The following MTPAP variants were observed in gnomAD, a reference collection of about 807,000 sequenced individuals.
MTPAP encodes mitochondrial poly(A) polymerase, also known as poly(A) RNA polymerase, mitochondrial.
MTPAP carries 23 observed loss-of-function variants against 48.7 expected under a neutral mutation model. The observed-to-expected ratio is 0.47, with a 90% confidence interval of 0.34 to 0.67. MTPAP has a LOEUF of 0.67. MTPAP is among the 30% of genes least tolerant of loss of function. The pLI is 0.01. For synonymous variants in MTPAP, 257 were observed against 254.1 expected, an observed-to-expected ratio of 1.01 and a Z score of -0.11; for missense variants, 614 against 694.3, an observed-to-expected ratio of 0.88 and a Z score of 1.30.
At position 30,340,327 on chromosome 10, in the gene MTPAP, TCA is replaced by T; in HGVS notation, c.452_453del (p.Leu151GlnfsTer8). On this transcript the variant is annotated frameshift_variant, in exon 3 of 9. Coordinates refer to ENST00000263063, the MANE Select transcript of MTPAP (RefSeq NM_018109.4). LOFTEE classifies it high-confidence loss of function. ...AIPFRSRFFN[L>X]KLKNQTSERS... Reference sequence around the variant, plus strand: ...CGTTCAGAAGTCTGGTTTTTCAACTTCAGATTGAAGAAACGTGATCTGAATGG... The same window carrying T: ...CGTTCAGAAGTCTGGTTTTTCAACTTGATTGAAGAAACGTGATCTGAATGG... The T allele has an allele frequency of 6.2e-7, 1 of 1,614,142 alleles. No homozygotes were observed. Among genetic ancestry groups the T allele is most frequent in the Non-Finnish European group, 8.5e-7 (1 of 1,180,004 alleles).
intron 6 of MTPAP, among the ~76,000 whole-genome samples, chr10:30,317,257 A>C (rs567314146): frequency 1.3e-5 from 2 of 152,312 alleles, no homozygotes; most frequent in African/African-American, 4.8e-5. Flanking sequence ...GAGTTCCCCC[A>C]TCTTTCACCA....
intron 4 of MTPAP, among the ~76,000 whole-genome samples, chr10:30,328,057 A>C (rs905790910): frequency 6.6e-6 from 1 of 152,224 alleles, no homozygotes; most frequent in South Asian, 2.1e-4. Flanking sequence ...GCATCCATTC[A>C]CTACTAAAGA....
At chr10:30,347,680 C>A (rs185378298) in intron 1 of MTPAP, among the ~76,000 whole-genome samples, 1 of 152,286 alleles carries the variant, frequency 6.6e-6, no homozygotes, top group Admixed American at 6.5e-5. Context: ...TCACCTGAGT[C>A]TGGAGTTCAA....
intron 4 of MTPAP, among the ~76,000 whole-genome samples, chr10:30,326,837 A>G (rs1834603756): frequency 6.6e-6 from 1 of 152,238 alleles, no homozygotes; most frequent in African/African-American, 2.4e-5. Context: ...GTTTCTCCAG[A>G]ATATAGAGAA....
chr10:30,329,227 GAC>G (rs1402705561), intron 4 of MTPAP, among the ~76,000 whole-genome samples: 2 of 151,254 alleles, frequency 1.3e-5, no homozygotes, highest in African/African-American at 4.9e-5. Context: ...CAGCCTGGGT[GAC>G]AGAGTGAGAA....
At chr10:30,331,715 C>T (rs929962570) in intron 4 of MTPAP, among the ~76,000 whole-genome samples, 2 of 152,140 alleles carry the variant, frequency 1.3e-5, no homozygotes, top group African/African-American at 4.8e-5. Context: ...TACAGGCACC[C>T]GCCATCATGC....
chr10:30,331,193 A>G lies in MTPAP; in HGVS notation c.781-4558T>C, dbSNP rs142166296. 2.0e-5 allele frequency among the ~76,000 whole-genome samples: 3 copies of G among 152,362 alleles called. No individual in the cohort carries two copies. The East Asian group carries it at 5.8e-4, about 29-fold the overall frequency. On this transcript the variant is annotated intron_variant, in intron 4 of 8. Transcript: ENST00000263063. ...CCTCTATTAAATAAATAAAAACTAG[A>G]AAAACTGTTCACAGACAGTTAGATC...
rs752651498 is a variant in MTPAP, at chr10:30,322,526, G to A, written c.1084C>T (p.Arg362Ter). The change falls in exon 6 of 9, where the codon CGA (arginine) becomes TGA (stop). Residue 362 changes from arginine (R) to a stop codon, truncating the protein, a stop_gained. Coordinates refer to ENST00000263063, the MANE Select transcript of MTPAP (RefSeq NM_018109.4). LOFTEE classifies it high-confidence loss of function. ...ALVFSVRCWARAHSLTSSIPG... is the reference protein window; with the variant it reads ...ALVFSVRCWA Reference sequence around the variant, plus strand: ...ATACTACTTGTTAGTGAATGTGCTCGAGCCCAGCACCGTACACTGAACACC... The same window carrying A: ...ATACTACTTGTTAGTGAATGTGCTCAAGCCCAGCACCGTACACTGAACACC... The A allele has an allele frequency of 1.9e-6, 3 of 1,613,948 alleles. No individual in the cohort carries two copies. The highest frequency in any genetic ancestry group is 2.5e-6 in the Non-Finnish European group (3 of 1,179,912).
At position 30,316,166 on chromosome 10, in the gene MTPAP, C is replaced by T; in HGVS notation, c.1264G>A (p.Val422Ile). The T allele has an allele frequency of 6.2e-7, 1 of 1,613,882 alleles. No individual in the cohort carries two copies. Among genetic ancestry groups the T allele is most frequent in the South Asian group, 1.1e-5 (1 of 91,066 alleles). ...CVIEGNNCTF[V>I]RDLSRIKPSQ... ...GGTTTAATTCTACTCAAGTCACGAACAAATGTGCAGTTGTTGCCTTCTATT... is the reference window on the plus strand; with the variant it reads ...GGTTTAATTCTACTCAAGTCACGAATAAATGTGCAGTTGTTGCCTTCTATT... The change falls in exon 7 of 9, where the codon GTT (valine) becomes ATT (isoleucine). Residue 422 changes from valine (V) to isoleucine (I), a missense_variant. Val to Ile is a conservative substitution (Grantham distance 29). Transcript: ENST00000263063.
intron 6 of MTPAP, 42 bp from the exon 7 acceptor site, chr10:30,316,252 T>C (rs1840660965): frequency 1.4e-6 from 2 of 1,475,732 alleles, no homozygotes; most frequent in Non-Finnish European, 1.9e-6. Context: ...TTTTTTTTTT[T>C]CTTTGCCTGA....
rs116691664 is a variant in MTPAP, at chr10:30,325,197, G to T, written c.992+1227C>A. Among the ~76,000 whole-genome samples the T allele has an allele frequency of 5.0e-3, 765 of 152,042 alleles. 10 individuals are homozygous for T. The highest frequency in any genetic ancestry group is 0.018 in the African/African-American group (733 of 41,500). ...CATACTACAAAGAAAATATAATAAT[G>T]ATAGAAAGTACAGTATTATATTTTT... On this transcript the variant is annotated intron_variant, in intron 5 of 8. Coordinates refer to ENST00000263063, the MANE Select transcript of MTPAP (RefSeq NM_018109.4).
chr10:30,327,628 T>C (rs1040604737), intron 4 of MTPAP, among the ~76,000 whole-genome samples: 7 of 151,898 alleles, frequency 4.6e-5, no homozygotes, highest in African/African-American at 7.3e-5. Flanking sequence ...GGCAGATAAC[T>C]TGAGGTCAGG....
In MTPAP at chr10:30,322,525, C is replaced by G; in HGVS notation, c.1085G>C (p.Arg362Pro). 1 of 1,613,792 alleles carries G rather than the reference C, an allele frequency of 6.2e-7. No homozygotes were observed. The highest frequency in any genetic ancestry group is 8.5e-7 in the Non-Finnish European group (1 of 1,179,878). Residue 362 changes from arginine to proline, a missense_variant, in exon 6 of 9, where the codon CGA becomes CCA. By Grantham distance (103) the Arg-to-Pro change is moderately radical (BLOSUM62 -2). Coordinates refer to ENST00000263063, the MANE Select transcript of MTPAP (RefSeq NM_018109.4). ...AATACTACTTGTTAGTGAATGTGCT[C>G]GAGCCCAGCACCGTACACTGAACAC... is the stretch of plus-strand genomic sequence containing the variant. ...ALVFSVRCWA[R>P]AHSLTSSIPG...
intron 5 of MTPAP, among the ~76,000 whole-genome samples, chr10:30,325,041 T>C (rs548828569): frequency 6.6e-6 from 1 of 151,516 alleles, no homozygotes; most frequent in African/African-American, 2.4e-5. Context: ...TAGAAATTCA[T>C]TGTGATTAAG....
In MTPAP at chr10:30,323,540, C is replaced by T. The variant is rs142173988; in HGVS notation, c.993-923G>A. Among the ~76,000 whole-genome samples the T allele has an allele frequency of 6.9e-3, 1,047 of 152,066 alleles. 2 individuals are homozygous for T. The highest frequency in any genetic ancestry group is 8.4e-3 in the African/African-American group (347 of 41,508). ...TATTTATTTATTTGAGACGGAGTCT[C>T]GCTCTGTCGCCCAGGCTAGAGCGCA... is the stretch of plus-strand genomic sequence containing the variant. On this transcript the variant is annotated intron_variant, in intron 5 of 8. Coordinates refer to ENST00000263063, the MANE Select transcript of MTPAP (RefSeq NM_018109.4).
chr10:30,344,087 C>G (rs899494792), intron 1 of MTPAP, among the ~76,000 whole-genome samples: 2 of 152,008 alleles, frequency 1.3e-5, no homozygotes, highest in Non-Finnish European at 2.9e-5. Flanking sequence ...GGCTTACCTG[C>G]TTAAATCCTT....
At chr10:30,337,674 G>A (rs1043444234) in intron 3 of MTPAP, among the ~76,000 whole-genome samples, 4 of 152,154 alleles carry the variant, frequency 2.6e-5, no homozygotes, top group Non-Finnish European at 5.9e-5. Flanking sequence ...CTTTGTAAGC[G>A]ATGAGTATAA....
intron 1 of MTPAP, among the ~76,000 whole-genome samples, chr10:30,342,922 GAATTA>G (rs1181842818): frequency 6.6e-6 from 1 of 152,082 alleles, no homozygotes; most frequent in Non-Finnish European, 1.5e-5. Context: ...TGACAGTGAA[GAATTA>G]AATATTAATA....
chr10:30,327,104 A>T (rs1237240877), intron 4 of MTPAP, among the ~76,000 whole-genome samples: 1 of 152,176 alleles, frequency 6.6e-6, no homozygotes, highest in South Asian at 2.1e-4. Flanking sequence ...TAGGAATTTA[A>T]TATTTAAGGC....
Sources: gnomAD v4.1 joint callset for allele counts (sites outside exome capture counted in the v4.1 genomes callset) on GRCh38, gnomAD v4.1.1 for gene constraint, MANE v1.5 for transcripts, NCBI Gene and HGNC (gene_info 2026-07-23, HGNC 2026-07-21) for gene names.